Variants in KMT5C observed in about 807,000 individuals in gnomAD.
The protein encoded by KMT5C is histone-lysine N-methyltransferase KMT5C.
A neutral mutation model predicts 38.2 loss-of-function variants in KMT5C; 16 were observed. The observed-to-expected ratio is 0.42, with a 90% CI of 0.28 to 0.64. The LOEUF is 0.64. Ranked by LOEUF, KMT5C falls within the 30% of genes least tolerant of loss-of-function variation. The probability of loss-of-function intolerance (pLI) is 0.23; values close to 1 mark genes in which losing one functional copy is unlikely to be tolerated. For synonymous variants in KMT5C, 291 were observed against 279.0 expected (o/e 1.04, Z -0.43); for missense variants, 598 against 665.1 (o/e 0.90, Z 1.11).
Position 55,347,700 on chromosome 19 carries a change from C to A in KMT5C, c.*251C>A, listed in dbSNP as rs2089638289. 3.6e-6 allele frequency: 2 copies of A among 554,786 alleles called. No individual in the cohort carries two copies. Among genetic ancestry groups the A allele is most frequent in the Non-Finnish European group, 6.0e-6 (2 of 335,018 alleles). The allele number at this position is 554,786 out of a possible 1,614,324, so 34.4% of individuals were successfully genotyped here. ...ATTTGCTGCCCTCCCCACCCCTGCC[C>A]CAGCCTCAGGACTGCAGGAGCCATC... is the stretch of plus-strand genomic sequence containing the variant. On this transcript the variant is annotated 3_prime_UTR_variant, in exon 9 of 9. Transcript: ENST00000255613. The surrounding 1 kb of genome is among the most constrained non-coding windows in gnomAD (Gnocchi z 4.6).
Position 55,342,750 on chromosome 19 carries a change from C to A in KMT5C, c.285C>A (p.Arg95=). ...QEAALKTHVY[R]YLRAFLPESG... Reference sequence around the variant, plus strand: ...ACCCTCACCCTCACCAGGTCTATCGCTACCTCCGTGCCTTCCTGCCGGAAA... The same window carrying A: ...ACCCTCACCCTCACCAGGTCTATCGATACCTCCGTGCCTTCCTGCCGGAAA... Residue 95 remains arginine (R), a synonymous_variant, in exon 4 of 9, where the codon CGC becomes CGA. Coordinates refer to ENST00000255613, the MANE Select transcript of KMT5C (RefSeq NM_032701.4). 1 of 1,605,130 alleles carries A rather than the reference C, an allele frequency of 6.2e-7. No individual in the cohort carries two copies. The highest frequency in any genetic ancestry group is 8.5e-7 in the Non-Finnish European group (1 of 1,172,052).
rs868358107 is a variant in KMT5C at position 55,347,303 on chromosome 19, G to C, written c.1243G>C (p.Ala415Pro). Residue 415 changes from alanine (A) to proline (P), a missense_variant, in exon 9 of 9, where the codon GCT becomes CCT. By Grantham distance (27) the Ala-to-Pro change is conservative. This residue lies in a region of KMT5C where 326 missense variants were observed against 298.1 expected (regional missense o/e 1.09). Coordinates refer to ENST00000255613, the MANE Select transcript of KMT5C (RefSeq NM_032701.4). This position sits in a 1 kb window ranked among gnomAD's most constrained non-coding sequence, Gnocchi z 4.6. Reference sequence around the variant, plus strand: ...TCGTCGCCTGGCCCCAGCCCCACCAGCTACCCCAGCCCCTGCTGGGACCCC... The same window carrying C: ...TCGTCGCCTGGCCCCAGCCCCACCACCTACCCCAGCCCCTGCTGGGACCCC... ...DLRRLAPAPP[A>P]TPAPAGTPGP... 3 of 1,570,404 alleles carry C rather than the reference G, an allele frequency of 1.9e-6. No homozygotes were observed. In the South Asian group the frequency reaches 3.5e-5, roughly 18 times the overall value.
chr19:55,347,656 C>A lies in KMT5C; in HGVS notation c.*207C>A. 1 of 779,754 alleles carries A rather than the reference C, an allele frequency of 1.3e-6. No individual in the cohort carries two copies. Among genetic ancestry groups the A allele is most frequent in the Non-Finnish European group, 1.9e-6 (1 of 539,808 alleles). 48.3% of individuals were successfully genotyped at this position (779,754 alleles called of 1,614,324 possible). A position where few individuals can be genotyped will look rare whatever the true frequency, so the allele number is the denominator to read the frequency against. ...TGCTGACCCCTGAGCCACCCCCACT[C>A]CCACAGGGAGCCCCGGCCATTTGCT... On this transcript the variant is annotated 3_prime_UTR_variant, in exon 9 of 9. Transcript: ENST00000255613. The surrounding 1 kb of genome is among the most constrained non-coding windows in gnomAD (Gnocchi z 4.6).
At chr19:55,344,575 A>C in intron 6 of KMT5C, 2 of 401,482 alleles carry the variant, frequency 5.0e-6, no homozygotes, top group East Asian at 1.4e-4. Flanking sequence ...CCGAGCTGGG[A>C]GCTGTGCCAA....
At chr19:55,344,294 G>A (rs545340562) in intron 6 of KMT5C, 121 of 301,394 alleles carry the variant, frequency 4.0e-4, no homozygotes, top group African/African-American at 1.4e-3. Context: ...CCCGGGAGGC[G>A]GAGCTTGCGG....
chr19:55,341,973 G>A lies in KMT5C; in HGVS notation c.37G>A (p.Glu13Lys), dbSNP rs776296660. 3.1e-6 allele frequency: 5 copies of A among 1,613,706 alleles called. No homozygotes were observed. Among genetic ancestry groups the A allele is most frequent in the Non-Finnish European group, 4.2e-6 (5 of 1,179,970 alleles). Residue 13 changes from glutamate to lysine, a missense_variant, in exon 2 of 9, where the codon GAG (glutamate) becomes AAG (lysine). By Grantham distance (56) the Glu-to-Lys change is moderately conservative (BLOSUM62 1). Transcript: ENST00000255613. ...CAGAGTGACAGCACGAGAACTGTGC[G>A]AGAACGACGACCTGGCCACCAGCCT... ...PDRVTARELC[E>K]NDDLATSLVL...
chr19:55,346,766 C>A, intron 8 of KMT5C, 79 bp downstream of exon 8: 1 of 1,277,796 alleles, frequency 7.8e-7, no homozygotes, highest in Non-Finnish European at 1.1e-6. Flanking sequence ...TCTGAGCTCT[C>A]TGCCTAGCCT....
intron 6 of KMT5C, chr19:55,344,518 A>C (rs565096929): frequency 1.9e-5 from 7 of 368,038 alleles, no homozygotes; most frequent in Non-Finnish European, 3.3e-5. Context: ...GTGCAGTTGC[A>C]CTGGAACCCT....
rs2089568963 is a variant in KMT5C at position 55,342,341 on chromosome 19, G to A, written c.237G>A (p.Gln79=). The change falls in exon 3 of 9, where the codon CAG becomes CAA. Residue 79 remains glutamine (Q), a synonymous_variant. Transcript: ENST00000255613. The stretch of plus-strand genomic sequence containing the variant: ...GAGGCTGGACGGCCCGCTACTTCCA[G>A]AGCCGGGGCCCGCGGCAGGAGGCTG... The part of the protein sequence containing the change: ...TLGGWTARYF[Q]SRGPRQEAAL... The A allele has an allele frequency of 6.4e-7, 1 of 1,555,258 alleles. No individual in the cohort carries two copies. Among genetic ancestry groups the A allele is most frequent in the Non-Finnish European group, 8.7e-7 (1 of 1,151,266 alleles).
Position 55,344,894 on chromosome 19 carries a change from G to A in KMT5C, c.570+897G>A, listed in dbSNP as rs781658869. On this transcript the variant is annotated intron_variant, in intron 6 of 8. Coordinates refer to ENST00000255613, the MANE Select transcript of KMT5C (RefSeq NM_032701.4). ...GATTTTTGGCTCCAGAGTCAGAACT[G>A]AGTTGGGGTCCTGGCGATGCCACCC... 13 of 471,560 alleles carry A rather than the reference G, an allele frequency of 2.8e-5. 1 individual carries two copies. The highest frequency in any genetic ancestry group is 2.0e-4 in the South Asian group (13 of 64,610). The allele number at this position is 471,560 out of a possible 1,614,324, so 29.2% of individuals were successfully genotyped here.
At chr19:55,344,980 G>A (rs1262832033) in intron 6 of KMT5C, 1 of 461,048 alleles carries the variant, frequency 2.2e-6, no homozygotes, top group Non-Finnish European at 4.4e-6. Flanking sequence ...TCTGCGGGCT[G>A]GTCAAGTGTG....
At chr19:55,344,851 G>C (rs765411451) in intron 6 of KMT5C, 18 of 480,524 alleles carry the variant, frequency 3.7e-5, no homozygotes, top group Non-Finnish European at 7.3e-5. Context: ...ACCCCGGGAG[G>C]CATGACAAAG....
At position 55,343,758 on chromosome 19, in the gene KMT5C, C is replaced by T. The variant is rs780479027; in HGVS notation, c.465C>T (p.Ala155=). The change falls in exon 5 of 9, where the codon GCC becomes GCT. Residue 155 remains alanine (A), a synonymous_variant. Coordinates refer to ENST00000255613, the MANE Select transcript of KMT5C (RefSeq NM_032701.4). The surrounding 1 kb of genome is among the most constrained non-coding windows in gnomAD (Gnocchi z 5.5). ...LREADEGLLR[A]GENDFSIMYS... is the part of the protein sequence containing the mutation. ...AGGCAGATGAGGGGCTGCTGAGGGCCGGTGAGAATGACTTCAGCATCATGT... is the reference window on the plus strand; with the variant it reads ...AGGCAGATGAGGGGCTGCTGAGGGCTGGTGAGAATGACTTCAGCATCATGT... The T allele has an allele frequency of 5.4e-5, 87 of 1,604,964 alleles. No individual in the cohort carries two copies. The highest frequency in any genetic ancestry group is 3.4e-5 in the Admixed American group (2 of 58,448).
At chr19:55,342,665 C>A in intron 3 of KMT5C, 77 bp from the exon 4 acceptor site, 1 of 833,948 alleles carries the variant, frequency 1.2e-6, no homozygotes, top group Non-Finnish European at 2.0e-6. Context: ...AGTGGCATGG[C>A]AGGCCTAGAG....
At position 55,346,140 on chromosome 19, in the gene KMT5C, C is replaced by G; in HGVS notation, c.571-73C>G. 6 of 1,579,598 alleles carry G rather than the reference C, an allele frequency of 3.8e-6. No individual in the cohort carries two copies. In the South Asian group the frequency reaches 6.7e-5, roughly 18 times the overall value. On this transcript the variant is annotated intron_variant, in intron 6 of 8. Coordinates refer to ENST00000255613, the MANE Select transcript of KMT5C (RefSeq NM_032701.4). Reference sequence around the variant, plus strand: ...AGAGGACGCTCCGGGCCAGGGTGCCCGGCCAGGTGTGGGGAGTGGGTGAGC... The same window carrying G: ...AGAGGACGCTCCGGGCCAGGGTGCCGGGCCAGGTGTGGGGAGTGGGTGAGC...
In KMT5C at chr19:55,344,012, C is replaced by T; in HGVS notation, c.570+15C>T. 1 of 1,609,874 alleles carries T rather than the reference C, an allele frequency of 6.2e-7. No individual in the cohort carries two copies. On this transcript the variant is annotated intron_variant, in intron 6 of 8. Coordinates refer to ENST00000255613, the MANE Select transcript of KMT5C (RefSeq NM_032701.4). ...CCAACTGCAAGGTAAGGCCTTGGGA[C>T]TCGGGAGGAGAGGGCACGCAGGAAG...
At chr19:55,345,367 C>A (rs552646595) in intron 6 of KMT5C, among the ~76,000 whole-genome samples, 1 of 152,202 alleles carries the variant, frequency 6.6e-6, no homozygotes, top group East Asian at 1.9e-4. Flanking sequence ...TAATGGGAAG[C>A]TTGGTTTTTA....
At chr19:55,346,120 A>G in intron 6 of KMT5C, 93 bp from the exon 7 acceptor site, 2 of 1,493,480 alleles carry the variant, frequency 1.3e-6, no homozygotes, top group South Asian at 2.4e-5. Flanking sequence ...CCAGGAGAGG[A>G]CGCTCCGGGC....
Position 55,342,692 on chromosome 19 carries a change from C to G in KMT5C, c.277-50C>G, listed in dbSNP as rs750878932. ...GGCCTAGAGTCCTGGAGAGAGAGGG[C>G]CAAAGATGCCCCTGCCCCGCCTCCT... On this transcript the variant is annotated intron_variant, in intron 3 of 8. Transcript: ENST00000255613. 4 of 1,052,314 alleles carry G rather than the reference C, an allele frequency of 3.8e-6. No individual in the cohort carries two copies. In the African/African-American group the frequency reaches 4.7e-5, roughly 12 times the overall value. The allele number at this position is 1,052,314 out of a possible 1,614,324, so 65.2% of individuals were successfully genotyped here. A position where few individuals can be genotyped will look rare whatever the true frequency, so the allele number is the denominator to read the frequency against.
Sources: allele counts gnomAD v4.1 joint callset (sites outside exome capture counted in the v4.1 genomes callset), GRCh38; gene constraint gnomAD v4.1.1; regional missense constraint gnomAD v4.1.1; non-coding constraint Gnocchi (gnomAD v3.1); transcripts MANE v1.5; gene names NCBI Gene and HGNC (gene_info 2026-07-23, HGNC 2026-07-21).